Variants in GJB2 observed in about 807,000 individuals in gnomAD.
The protein encoded by GJB2 is gap junction beta-2 protein.
GJB2 carries 30 observed loss-of-function variants against 16.0 expected under a neutral mutation model. That is an observed-to-expected ratio of 1.88 (90% CI 1.41 to 2.55). The LOEUF is 2.55. Among genes scored for constraint, GJB2 ranks in the 30% most tolerant of loss-of-function variants. The pLI, the probability that GJB2 is intolerant of heterozygous loss-of-function variation, is 0.00. For synonymous variants in GJB2, 123 were observed against 119.1 expected (o/e 1.03, Z -0.21); for missense variants, 284 against 289.7 (o/e 0.98, Z 0.14).
intron 1 of GJB2, 122 bp downstream of exon 1, chr13:20,192,661 G>A (rs1391640786): frequency 6.6e-6 from 1 of 152,300 alleles, no homozygotes; most frequent in Non-Finnish European, 1.5e-5. Flanking sequence ...CCGGCCCAAG[G>A]ACGTGTGTTG....
chr13:20,188,717 G>A lies in GJB2; in HGVS notation c.*184C>T, dbSNP rs1959053306. On this transcript the variant is annotated 3_prime_UTR_variant, in exon 2 of 2. Coordinates refer to ENST00000382848, the MANE Select transcript of GJB2 (RefSeq NM_004004.6). ...TTAGGCCTTTGTTTTGAGGCTTTAG[G>A]GGAGCAGAGCTCCATTGTGGCATCT... is the stretch of plus-strand genomic sequence containing the variant. 1 of 616,140 alleles carries A rather than the reference G, an allele frequency of 1.6e-6. No individual in the cohort carries two copies. The highest frequency in any genetic ancestry group is 2.0e-5 in the South Asian group (1 of 51,168). The allele number at this position is 616,140 out of a possible 1,614,324, so 38.2% of individuals were successfully genotyped here.
chr13:20,189,659 G>A, intron 1 of GJB2, 56 bp from the exon 2 acceptor site: 1 of 1,318,298 alleles, frequency 7.6e-7, no homozygotes. Flanking sequence ...AGAACAGGGA[G>A]ACTTCTCTGA....
At chr13:20,191,004 A>ACAT (rs1443050187) in intron 1 of GJB2, among the ~76,000 whole-genome samples, 4 of 152,200 alleles carry the variant, frequency 2.6e-5, no homozygotes, top group Admixed American at 2.6e-4. Context: ...CACGAAAGTT[A>ACAT]CATCAGATTG....
At chr13:20,189,680 G>T in intron 1 of GJB2, 77 bp from the exon 2 acceptor site, 1 of 1,118,030 alleles carries the variant, frequency 8.9e-7, no homozygotes, top group South Asian at 1.3e-5. Flanking sequence ...GTCTGGGTAA[G>T]CAAGCATGCT....
intron 1 of GJB2, among the ~76,000 whole-genome samples, chr13:20,191,825 A>G (rs1402413345): frequency 2.6e-5 from 4 of 152,228 alleles, no homozygotes; most frequent in Non-Finnish European, 4.4e-5. Flanking sequence ...CTCCACCCTT[A>G]GGTGATGGGT....
In GJB2 at chr13:20,188,787, A is replaced by G. The variant is rs182085649; in HGVS notation, c.*114T>C. 128 of 842,620 alleles carry G rather than the reference A, an allele frequency of 1.5e-4. No individual in the cohort carries two copies. The highest frequency in any genetic ancestry group is 2.4e-4 in the Non-Finnish European group (120 of 500,562). The allele number at this position is 842,620 out of a possible 1,614,324, so 52.2% of individuals were successfully genotyped here. A position where few individuals can be genotyped will look rare whatever the true frequency, so the allele number is the denominator to read the frequency against. Reference sequence around the variant, plus strand: ...ACAGGGGTTTCAAATGGTTGCATTTAAGGTCAGAATCTTTGTGTTGGGAAA... The same window carrying G: ...ACAGGGGTTTCAAATGGTTGCATTTGAGGTCAGAATCTTTGTGTTGGGAAA... On this transcript the variant is annotated 3_prime_UTR_variant, in exon 2 of 2. Transcript: ENST00000382848.
intron 1 of GJB2, among the ~76,000 whole-genome samples, chr13:20,190,201 G>C (rs1959068598): frequency 6.6e-6 from 1 of 152,270 alleles, no homozygotes; most frequent in Admixed American, 6.5e-5. Context: ...GCATGTAGCA[G>C]TGAAACTGTT....
chr13:20,191,726 G>A (rs538355449), intron 1 of GJB2, among the ~76,000 whole-genome samples: 1 of 152,346 alleles, frequency 6.6e-6, no homozygotes, highest in Admixed American at 6.5e-5. Flanking sequence ...AGAGGCCAGC[G>A]GAGGAGTTGG....
At chr13:20,190,350 T>C (rs1161390760) in intron 1 of GJB2, among the ~76,000 whole-genome samples, 3 of 152,258 alleles carry the variant, frequency 2.0e-5, no homozygotes, top group Non-Finnish European at 4.4e-5. Context: ...GACTTTCGTG[T>C]AGGCTTTGTG....
At chr13:20,189,719 CT>C in intron 1 of GJB2, 116 bp from the exon 2 acceptor site, 1 of 795,456 alleles carries the variant, frequency 1.3e-6, no homozygotes, top group Non-Finnish European at 2.2e-6. Flanking sequence ...AACACCAACT[CT>C]TACACAACCT....
rs1247090462 is a variant in GJB2, at chr13:20,187,917, G to C, written c.*984C>G. The C allele has an allele frequency of 6.6e-6, 1 of 152,142 alleles. No homozygotes were observed. 9.4% of individuals were successfully genotyped at this position (152,142 alleles called of 1,614,324 possible). Reference sequence around the variant, plus strand: ...CCCCATTTTGTCCTCCCCATTAAATGGTACTGTGTCAATAAAATTCCCAAG... The same window carrying C: ...CCCCATTTTGTCCTCCCCATTAAATCGTACTGTGTCAATAAAATTCCCAAG... On this transcript the variant is annotated 3_prime_UTR_variant, in exon 2 of 2. Coordinates refer to ENST00000382848, the MANE Select transcript of GJB2 (RefSeq NM_004004.6).
In GJB2 at chr13:20,187,921, C is replaced by T. The variant is rs1200863900; in HGVS notation, c.*980G>A. The T allele has an allele frequency of 6.6e-6, 1 of 152,174 alleles. No homozygotes were observed. Among genetic ancestry groups the T allele is most frequent in the Non-Finnish European group, 1.5e-5 (1 of 68,038 alleles). The allele number at this position is 152,174 out of a possible 1,614,324, so 9.4% of individuals were successfully genotyped here. A position where few individuals can be genotyped will look rare whatever the true frequency, so the allele number is the denominator to read the frequency against. ...ATTTTGTCCTCCCCATTAAATGGTA[C>T]TGTGTCAATAAAATTCCCAAGCGAC... On this transcript the variant is annotated 3_prime_UTR_variant, in exon 2 of 2. Coordinates refer to ENST00000382848, the MANE Select transcript of GJB2 (RefSeq NM_004004.6).
In GJB2 at chr13:20,189,153, C is replaced by A. The variant is rs2137307608; in HGVS notation, c.429G>T (p.Arg143=). The change falls in exon 2 of 2, where the codon CGG becomes CGT. Residue 143 remains arginine, a synonymous_variant. Transcript: ENST00000382848. The part of the protein sequence containing the change: ...WWTYTSSIFF[R]VIFEAAFMYV... ...ACATGAAGGCGGCTTCGAAGATGAC[C>A]CGGAAGAAGATGCTGCTTGTGTAGG... The A allele has an allele frequency of 1.9e-6, 3 of 1,614,066 alleles. No homozygotes were observed. Among genetic ancestry groups the A allele is most frequent in the Non-Finnish European group, 2.5e-6 (3 of 1,180,046 alleles).
At position 20,188,910 on chromosome 13, in the gene GJB2, C is replaced by T. The variant is rs757510867; in HGVS notation, c.672G>A (p.Lys224=). 12 of 1,612,758 alleles carry T rather than the reference C, an allele frequency of 7.4e-6. No individual in the cohort carries two copies. The highest frequency in any genetic ancestry group is 3.3e-5 in the Admixed American group (2 of 60,004). The change falls in exon 2 of 2, where the codon AAG becomes AAA. Residue 224 remains lysine (K), a synonymous_variant. Transcript: ENST00000382848. Reference sequence around the variant, plus strand: ...ACAACTGGGCAATGCGTTAAACTGGCTTTTTTGACTTCCCAGAACAATATC... The same window carrying T: ...ACAACTGGGCAATGCGTTAAACTGGTTTTTTTGACTTCCCAGAACAATATC... ...LIRYCSGKSK[K]PV
Position 20,189,526 on chromosome 13 carries a change from C to G in GJB2, c.56G>C (p.Ser19Thr), listed in dbSNP as rs80338941. ...ILGGVNKHST[S>T]IGKIWLTVLF... ...GACGGTGAGCCAGATCTTTCCAATG[C>G]TGGTGGAGTGTTTGTTCACACCCCC... is the stretch of plus-strand genomic sequence containing the variant. The change falls in exon 2 of 2, where the codon AGC becomes ACC. Residue 19 changes from serine (S) to threonine (T), a missense_variant. Transcript: ENST00000382848. The G allele has an allele frequency of 1.4e-5, 22 of 1,614,142 alleles. No individual in the cohort carries two copies. The highest frequency in any genetic ancestry group is 1.6e-5 in the Non-Finnish European group (19 of 1,179,982).
At chr13:20,190,956 G>T (rs1959073018) in intron 1 of GJB2, among the ~76,000 whole-genome samples, 1 of 152,210 alleles carries the variant, frequency 6.6e-6, no homozygotes, top group African/African-American at 2.4e-5. Context: ...AAACCATCCA[G>T]TGCCACCTTG....
At position 20,189,534 on chromosome 13, in the gene GJB2, G is replaced by A. The variant is rs1325665848; in HGVS notation, c.48C>T (p.His16=). Residue 16 remains histidine (H), a synonymous_variant, in exon 2 of 2, where the codon CAC becomes CAT. Transcript: ENST00000382848. ...GCCAGATCTTTCCAATGCTGGTGGA[G>A]TGTTTGTTCACACCCCCCAGGATCG... is the stretch of plus-strand genomic sequence containing the variant. ...LQTILGGVNK[H]STSIGKIWLT... 1 of 1,614,120 alleles carries A rather than the reference G, an allele frequency of 6.2e-7. No homozygotes were observed. The highest frequency in any genetic ancestry group is 8.5e-7 in the Non-Finnish European group (1 of 1,179,954).
In GJB2 at chr13:20,189,428, C is replaced by G. The variant is rs1555341987; in HGVS notation, c.154G>C (p.Val52Leu). 1.2e-5 allele frequency: 19 copies of G among 1,612,110 alleles called. No homozygotes were observed. The South Asian group carries it at 2.1e-4, about 18-fold the overall frequency. ...EVWGDEQADF[V>L]CNTLQPGCKN... ...CAGCCTGGCTGCAGGGTGTTGCAGA[C>G]AAAGTCGGCCTGCTCATCTCCCCAC... Residue 52 changes from valine to leucine, a missense_variant, in exon 2 of 2, where the codon GTC (valine) becomes CTC (leucine). Val to Leu is a conservative substitution (Grantham distance 32). Transcript: ENST00000382848.
chr13:20,191,066 A>G (rs1350800808), intron 1 of GJB2, among the ~76,000 whole-genome samples: 1 of 152,182 alleles, frequency 6.6e-6, no homozygotes, highest in Admixed American at 6.5e-5. Context: ...AGACAACATC[A>G]TTGGAAAAAA....
Sources: allele counts gnomAD v4.1 joint callset (sites outside exome capture counted in the v4.1 genomes callset), GRCh38; gene constraint gnomAD v4.1.1; transcripts MANE v1.5; gene names NCBI Gene and HGNC (gene_info 2026-07-23, HGNC 2026-07-21).